Variants in ELL2 observed in about 807,000 individuals in gnomAD.
ELL2 encodes the protein elongation factor for RNA polymerase II 2, also known as RNA polymerase II elongation factor ELL2.
A neutral mutation model predicts 72.8 loss-of-function variants in ELL2; 21 were observed. The ratio of observed to expected loss-of-function variants is 0.29; its 90% confidence interval spans 0.20 to 0.42. The LOEUF is 0.42. Ranked by LOEUF, ELL2 falls within the 10% of genes least tolerant of loss-of-function variation. The probability of loss-of-function intolerance (pLI) is 1.00; values close to 1 mark genes in which losing one functional copy is unlikely to be tolerated. For synonymous variants in ELL2, 266 were observed against 283.2 expected, an observed-to-expected ratio of 0.94 and a Z score of 0.61; for missense variants, 568 against 772.8, an observed-to-expected ratio of 0.73 and a Z score of 3.14.
intron 2 of ELL2, among the ~76,000 whole-genome samples, chr5:95,940,866 T>C (rs1750942939): frequency 6.6e-6 from 1 of 151,952 alleles, no homozygotes; most frequent in South Asian, 2.1e-4. Flanking sequence ...CTCACATCGG[T>C]GGCCCTGCGT....
chr5:95,930,908 CA>C (rs766972731), intron 2 of ELL2, among the ~76,000 whole-genome samples: 25 of 131,806 alleles, frequency 1.9e-4, no homozygotes, highest in Non-Finnish European at 2.8e-4. Flanking sequence ...CATTTTGTGC[CA>C]TTTTTTTTTT....
intron 2 of ELL2, among the ~76,000 whole-genome samples, chr5:95,920,477 T>C (rs1750014934): frequency 6.6e-6 from 1 of 151,614 alleles, no homozygotes; most frequent in South Asian, 2.1e-4. Context: ...GCCCAGCTAA[T>C]TTTTTTGTAT....
intron 1 of ELL2, among the ~76,000 whole-genome samples, chr5:95,954,547 C>T (rs569040245): frequency 1.3e-5 from 2 of 149,822 alleles, no homozygotes; most frequent in Non-Finnish European, 3.0e-5. Flanking sequence ...GCTGGGACTA[C>T]AGGCGCCTGC....
Position 95,891,187 on chromosome 5 carries a change from A to G in ELL2, c.1677T>C (p.His559=), listed in dbSNP as rs1748648521. 2 of 1,614,080 alleles carry G rather than the reference A, an allele frequency of 1.2e-6. No homozygotes were observed. The highest frequency in any genetic ancestry group is 1.7e-5 in the Admixed American group (1 of 60,006). ...NAEYDEYRAL[H]ARMETVARRF... The stretch of plus-strand genomic sequence containing the variant: ...TTCTAGCTACAGTCTCCATCCTGGC[A>G]TGCAAAGCTCTGTACTCATCATACT... The change falls in exon 10 of 12, where the codon CAT becomes CAC. Residue 559 remains histidine, a synonymous_variant. Coordinates refer to ENST00000237853, the MANE Select transcript of ELL2 (RefSeq NM_012081.6).
rs1283129106 is a variant in ELL2 at position 95,885,317 on chromosome 5, T to C, written c.*3554A>G. 1 of 152,212 alleles carries C rather than the reference T, an allele frequency of 6.6e-6. No individual in the cohort carries two copies. The allele number at this position is 152,212 out of a possible 1,614,324, so 9.4% of individuals were successfully genotyped here. ...CCTTGTTCAATCTTCAGATTACAAA[T>C]AACATTGATAGCATCTCCTGTGGCC... On this transcript the variant is annotated 3_prime_UTR_variant, in exon 12 of 12. Transcript: ENST00000237853.
chr5:95,960,186 C>G (rs185105098), intron 1 of ELL2, among the ~76,000 whole-genome samples: 3 of 151,926 alleles, frequency 2.0e-5, no homozygotes, highest in African/African-American at 7.3e-5. Context: ...GTCTGTTGTA[C>G]GAGACCGGTT....
intron 8 of ELL2, 132 bp downstream of exon 8, chr5:95,898,108 A>G (rs76577140): frequency 2.9e-6 from 2 of 697,192 alleles, no homozygotes; most frequent in Non-Finnish European, 4.2e-6. Context: ...AAAAAAAAAA[A>G]CTGCTCAAAA....
At chr5:95,902,394 G>T (rs187076900) in intron 5 of ELL2, among the ~76,000 whole-genome samples, 4 of 152,270 alleles carry the variant, frequency 2.6e-5, no homozygotes, top group Admixed American at 6.5e-5. Flanking sequence ...TTATTCCGAA[G>T]TGTAATCTTT....
At chr5:95,956,788 C>T (rs1461609293) in intron 1 of ELL2, among the ~76,000 whole-genome samples, 1 of 152,244 alleles carries the variant, frequency 6.6e-6, no homozygotes, top group Non-Finnish European at 1.5e-5. Flanking sequence ...AAGGGAGCTA[C>T]TATGAAGGAC....
intron 1 of ELL2, among the ~76,000 whole-genome samples, chr5:95,952,192 C>T (rs1350655850): frequency 6.6e-6 from 1 of 152,040 alleles, no homozygotes; most frequent in Non-Finnish European, 1.5e-5. Flanking sequence ...CCTATGCAAA[C>T]TAACACAGGA....
intron 4 of ELL2, among the ~76,000 whole-genome samples, chr5:95,909,623 T>C (rs1441956520): frequency 6.6e-6 from 1 of 152,206 alleles, no homozygotes; most frequent in Non-Finnish European, 1.5e-5. Flanking sequence ...AAAAAAGCCA[T>C]TTTAATAAAA....
chr5:95,918,256 G>T (rs1298858444), intron 3 of ELL2, among the ~76,000 whole-genome samples: 1 of 152,230 alleles, frequency 6.6e-6, no homozygotes, highest in Non-Finnish European at 1.5e-5. Context: ...AATGTGCAAT[G>T]ATGTTTTAAA....
intron 9 of ELL2, 131 bp from the exon 10 acceptor site, chr5:95,891,405 G>C: frequency 1.1e-6 from 1 of 949,982 alleles, no homozygotes; most frequent in Admixed American, 3.1e-5. Flanking sequence ...CTCTGCCACT[G>C]GTTGGCTGCC....
At chr5:95,950,296 T>G (rs1751325365) in intron 1 of ELL2, among the ~76,000 whole-genome samples, 1 of 152,180 alleles carries the variant, frequency 6.6e-6, no homozygotes, top group Admixed American at 6.5e-5. Context: ...AAGAGTCACT[T>G]TTTTCTTTGT....
chr5:95,921,057 TC>T (rs3842070), intron 2 of ELL2, among the ~76,000 whole-genome samples: 5,097 of 152,160 alleles, frequency 0.033, 140 homozygotes, highest in Admixed American at 0.074. Flanking sequence ...TCTAAAAGTC[TC>T]CCAAACCTTG....
chr5:95,924,117 A>G (rs1391498938), intron 2 of ELL2, among the ~76,000 whole-genome samples: 1 of 152,220 alleles, frequency 6.6e-6, no homozygotes, highest in Non-Finnish European at 1.5e-5. Context: ...GGCCAGAGCT[A>G]GGGTGGGTCT....
rs764884769 is a variant in ELL2 at position 95,913,932 on chromosome 5, G to C, written c.320C>G (p.Ser107Cys). ...FDCIQQTFSS[S>C]GASQLNCLGF... ...CAGGCAATTGAGCTGGGAGGCTCCA[G>C]AGCTGTCAAGTAAGTCAGTGGCTTT... Residue 107 changes from serine (S) to cysteine (C), a missense_variant and splice_region_variant, in exon 4 of 12, where the codon TCT becomes TGT. By Grantham distance (112) the Ser-to-Cys change is moderately radical. Transcript: ENST00000237853. 7 of 1,590,322 alleles carry C rather than the reference G, an allele frequency of 4.4e-6. No homozygotes were observed. The South Asian group carries it at 4.6e-5, about 10-fold the overall frequency.
At chr5:95,927,500 TAC>T (rs200012862) in intron 2 of ELL2, among the ~76,000 whole-genome samples, 1 of 25,448 alleles carries the variant, frequency 3.9e-5, no homozygotes, top group Non-Finnish European at 6.2e-5. Context: ...TATATAGACA[TAC>T]ACACACGTGT....
At chr5:95,957,521 GC>G in intron 1 of ELL2, among the ~76,000 whole-genome samples, 1 of 152,238 alleles carries the variant, frequency 6.6e-6, no homozygotes, top group South Asian at 2.1e-4. Flanking sequence ...AAATTTTTCT[GC>G]CAATCATGAA....
Sources: allele counts gnomAD v4.1 joint callset (sites outside exome capture counted in the v4.1 genomes callset), GRCh38; gene constraint gnomAD v4.1.1; transcripts MANE v1.5; gene names NCBI Gene and HGNC (gene_info 2026-07-23, HGNC 2026-07-21).